NADK: variants seen among roughly 807,000 people sequenced by gnomAD.
The protein encoded by NADK is NAD kinase, also known as poly(P)/ATP NAD kinase.
NADK carries 22 observed loss-of-function variants against 49.8 expected under a neutral mutation model. That is an observed-to-expected ratio of 0.44 (90% CI 0.32 to 0.63). NADK has a LOEUF of 0.63. Among genes scored for constraint, NADK ranks in the 30% least tolerant of loss-of-function variants. The probability of loss-of-function intolerance (pLI) is 0.06; values close to 1 mark genes in which losing one functional copy is unlikely to be tolerated. For synonymous variants in NADK, 268 were observed against 253.7 expected (o/e 1.06, Z -0.54); for missense variants, 438 against 609.4 (o/e 0.72, Z 2.96).
chr1:1,753,156 A>T, intron 11 of NADK, 96 bp from the exon 12 acceptor site: 1 of 1,439,892 alleles, frequency 6.9e-7, no homozygotes, highest in African/African-American at 1.4e-5. Flanking sequence ...AATGGCCGGG[A>T]CTCTTTTCCT....
chr1:1,758,668 T>C (rs1645612933), intron 3 of NADK: 12 of 1,354,522 alleles, frequency 8.9e-6, no homozygotes, highest in Non-Finnish European at 1.0e-5. Flanking sequence ...CCTACACTTA[T>C]AAAAATCAAA....
At chr1:1,761,765 CTTT>C in intron 3 of NADK, 184 bp downstream of exon 3, 1 of 556,832 alleles carries the variant, frequency 1.8e-6, no homozygotes, top group Non-Finnish European at 3.2e-6. Context: ...GCCCATGTGG[CTTT>C]TTGTTTAAAT....
In NADK at chr1:1,754,647, T is replaced by C. The variant is rs1645452225; in HGVS notation, c.740A>G (p.Glu247Gly). The C allele has an allele frequency of 6.2e-7, 1 of 1,613,906 alleles. No homozygotes were observed. Among genetic ancestry groups the C allele is most frequent in the Non-Finnish European group, 8.5e-7 (1 of 1,179,976 alleles). ...CACGGCCGTCTTCTTCCCCCGGAGC[T>C]CCTTCACCACCCTGACCTTCAGCCG... is the stretch of plus-strand genomic sequence containing the variant. ...RSRLKVRVVK[E>G]LRGKKTAVHN... Residue 247 changes from glutamate to glycine, a missense_variant, in exon 8 of 12, where the codon GAG becomes GGG. Physicochemically the swap from Glu to Gly is moderately conservative, Grantham distance 98. Transcript: ENST00000341426. The surrounding 1 kb of genome is among the most constrained non-coding windows in gnomAD (Gnocchi z 4.3).
intron 3 of NADK, among the ~76,000 whole-genome samples, chr1:1,757,663 CCA>C (rs1645573790): frequency 6.6e-6 from 1 of 152,184 alleles, no homozygotes; most frequent in South Asian, 2.1e-4. Flanking sequence ...GCAGAAATGA[CCA>C]CGAAAGCCCA....
At chr1:1,772,690 G>A (rs1646087025) in intron 1 of NADK, among the ~76,000 whole-genome samples, 1 of 151,900 alleles carries the variant, frequency 6.6e-6, no homozygotes, top group Non-Finnish European at 1.5e-5. Context: ...TTAGTTAGCA[G>A]TATTTCAATT....
chr1:1,765,579 A>G, intron 1 of NADK, 133 bp from the exon 2 acceptor site: 1 of 476,880 alleles, frequency 2.1e-6, no homozygotes, highest in Non-Finnish European at 3.5e-6. Context: ...AAGTACTTTG[A>G]AAACAGACTG....
At position 1,754,087 on chromosome 1, in the gene NADK, GA is replaced by G. The variant is rs775822004; in HGVS notation, c.1064del (p.Phe355SerfsTer12). 1 of 1,604,536 alleles carries G rather than the reference GA, an allele frequency of 6.2e-7. No homozygotes were observed. Among genetic ancestry groups the G allele is most frequent in the South Asian group, 1.1e-5 (1 of 90,778 alleles). On this transcript the variant is annotated frameshift_variant, in exon 10 of 12. Transcript: ENST00000341426. LOFTEE classifies it high-confidence loss of function. This position sits in a 1 kb window ranked among gnomAD's most constrained non-coding sequence, Gnocchi z 4.3. ...CCCCTGCGGGGACCACGATGGGCCG[GA>G]AGGACAGCGAGTGGGGGCAGATGGG... ...ITPICPHSLS[F>X]RPIVVPAGVE... is the part of the protein sequence containing the mutation.
intron 3 of NADK, chr1:1,759,996 A>G: frequency 7.3e-7 from 1 of 1,377,008 alleles, no homozygotes; most frequent in Middle Eastern, 2.0e-4. Flanking sequence ...ATGGCGGGAC[A>G]GAGCCACGGC....
chr1:1,778,045 G>A lies in NADK; in HGVS notation c.-41+244C>T, dbSNP rs1270105744. Among the ~76,000 whole-genome samples the A allele has an allele frequency of 1.3e-5, 2 of 152,178 alleles. No individual in the cohort carries two copies. Among genetic ancestry groups the A allele is most frequent in the Admixed American group, 6.5e-5 (1 of 15,274 alleles). ...TGGACGGCCCCACCTTCCCCGCCCG[G>A]GAGAGCCAGGCCGGACAGCGGCCTC... On this transcript the variant is annotated intron_variant, in intron 1 of 11. Coordinates refer to ENST00000341426, the MANE Select transcript of NADK (RefSeq NM_023018.5). The surrounding 1 kb of genome is among the most constrained non-coding windows in gnomAD (Gnocchi z 4.9).
intron 1 of NADK, among the ~76,000 whole-genome samples, chr1:1,775,201 A>G (rs1646177714): frequency 6.6e-6 from 1 of 152,234 alleles, no homozygotes; most frequent in Non-Finnish European, 1.5e-5. Flanking sequence ...ACTTATACAA[A>G]GTAGCAAGGA....
Position 1,761,963 on chromosome 1 carries a change from G to C in NADK, c.252C>G (p.Pro84=). The change falls in exon 3 of 12, where the codon CCC becomes CCG. Residue 84 remains proline, a synonymous_variant. Coordinates refer to ENST00000341426, the MANE Select transcript of NADK (RefSeq NM_023018.5). ...FGPKACVLQN[P]QTIMHIQDPA... ...GCCCCAGCACTCACATGATGGTCTG[G>C]GGGTTCTGCAGCACACAGGCCTTTG... 2.5e-6 allele frequency: 4 copies of C among 1,614,024 alleles called. No homozygotes were observed. The highest frequency in any genetic ancestry group is 3.4e-6 in the Non-Finnish European group (4 of 1,179,956).
At chr1:1,759,832 C>T in intron 3 of NADK, 1 of 1,551,762 alleles carries the variant, frequency 6.4e-7, no homozygotes, top group Non-Finnish European at 8.7e-7. Context: ...TGTCCGGTGA[C>T]CCCGCCCTGG....
rs61742746 is a variant in NADK, at chr1:1,762,005, C to T, written c.210G>A (p.Pro70=). The T allele has an allele frequency of 2.8e-4, 453 of 1,614,030 alleles. 1 individual carries two copies. The African/African-American group carries it at 5.0e-3, about 18-fold the overall frequency. Reference sequence around the variant, plus strand: ...AGGCCTTTGGTCCAAAAGTGGTCACCGGGCATGGCCCATGAAGAGAGCGTG... The same window carrying T: ...AGGCCTTTGGTCCAAAAGTGGTCACTGGGCATGGCCCATGAAGAGAGCGTG... ...RRTRSLHGPC[P]VTTFGPKACV... is the part of the protein sequence containing the mutation. The change falls in exon 3 of 12, where the codon CCG becomes CCA. Residue 70 remains proline, a synonymous_variant. Transcript: ENST00000341426.
Position 1,754,637 on chromosome 1 carries a change from C to A in NADK, c.750G>T (p.Gly250=), listed in dbSNP as rs756333230. The A allele has an allele frequency of 1.2e-5, 19 of 1,613,812 alleles. No homozygotes were observed. In the South Asian group the frequency reaches 2.0e-4, roughly 17 times the overall value. ...GCCCATTGTGCACGGCCGTCTTCTTCCCCCGGAGCTCCTTCACCACCCTGA... is the reference window on the plus strand; with the variant it reads ...GCCCATTGTGCACGGCCGTCTTCTTACCCCGGAGCTCCTTCACCACCCTGA... ...LKVRVVKELR[G]KKTAVHNGLG... Residue 250 remains glycine, a synonymous_variant, in exon 8 of 12, where the codon GGG becomes GGT. Transcript: ENST00000341426. This position sits in a 1 kb window ranked among gnomAD's most constrained non-coding sequence, Gnocchi z 4.3.
chr1:1,754,829 CTTTT>C lies in NADK; in HGVS notation c.689-135_689-132del. 1.1e-6 allele frequency: 1 copy of C among 878,806 alleles called. No individual in the cohort carries two copies. The highest frequency in any genetic ancestry group is 1.7e-5 in the South Asian group (1 of 57,308). 54.4% of individuals were successfully genotyped at this position (878,806 alleles called of 1,614,324 possible). On this transcript the variant is annotated intron_variant, in intron 7 of 11. Transcript: ENST00000341426. This position sits in a 1 kb window ranked among gnomAD's most constrained non-coding sequence, Gnocchi z 4.3. ...AGTTGACACACTTCTGTGCCTTTTT[CTTTT>C]TATTTTGAGATGGAGTCTCACTCTG...
intron 1 of NADK, among the ~76,000 whole-genome samples, chr1:1,774,740 T>C (rs1646161963): frequency 6.6e-6 from 1 of 152,226 alleles, no homozygotes; most frequent in Non-Finnish European, 1.5e-5. Context: ...ATATATTAAC[T>C]GCTTTAAAAG....
chr1:1,780,020 C>G, upstream of NADK: 1 of 152,188 alleles, frequency 6.6e-6, no homozygotes, highest in East Asian at 1.9e-4. Flanking sequence ...GTACAGGGCA[C>G]CAAGGGTGAC....
Position 1,759,170 on chromosome 1 carries a change from G to C in NADK, c.264-1860C>G, listed in dbSNP as rs1388583070. The C allele has an allele frequency of 1.3e-6, 2 of 1,565,414 alleles. No individual in the cohort carries two copies. The highest frequency in any genetic ancestry group is 4.8e-5 in the East Asian group (2 of 41,674). ...AGCCCAGCCAGAGCCACCAGCAGCG[G>C]CGTCGTACACCGGCCCAGGCACCCA... On this transcript the variant is annotated intron_variant, in intron 3 of 11. Transcript: ENST00000341426.
intron 1 of NADK, among the ~76,000 whole-genome samples, chr1:1,775,300 C>G (rs1034434440): frequency 1.3e-5 from 2 of 152,016 alleles, no homozygotes; most frequent in Admixed American, 6.5e-5. Flanking sequence ...CGAGTTCGTT[C>G]CCATGTAAGA....
Sources: gnomAD v4.1 joint callset for allele counts (sites outside exome capture counted in the v4.1 genomes callset) on GRCh38, gnomAD v4.1.1 for gene constraint, Gnocchi (gnomAD v3.1) non-coding constraint, MANE v1.5 for transcripts, NCBI Gene and HGNC (gene_info 2026-07-23, HGNC 2026-07-21) for gene names.